OPRK1: variants seen among roughly 807,000 people sequenced by gnomAD.
OPRK1 encodes opioid receptor kappa 1.
Under a neutral mutation model 24.5 loss-of-function variants are expected in OPRK1, and 15 were observed. The observed-to-expected ratio is 0.61, with a 90% CI of 0.41 to 0.94. The LOEUF (loss-of-function observed/expected upper bound fraction) is 0.94, where lower values mean the gene tolerates loss of function less well. OPRK1 is among the 40% of genes least tolerant of loss of function. The pLI is 0.00. For synonymous variants in OPRK1, 205 were observed against 198.0 expected (o/e 1.04, Z -0.30); for missense variants, 479 against 507.3 (o/e 0.94, Z 0.54).
Position 53,227,998 on chromosome 8 carries a change from C to T in OPRK1, c.*1299G>A, listed in dbSNP as rs200350415. Reference sequence around the variant, plus strand: ...GGGGAAAAAGAGGGAATTTATATGTCATCTGGAAGTTTTAGCAAAATTACC... The same window carrying T: ...GGGGAAAAAGAGGGAATTTATATGTTATCTGGAAGTTTTAGCAAAATTACC... On this transcript the variant is annotated 3_prime_UTR_variant, in exon 4 of 4. Transcript: ENST00000265572. The T allele has an allele frequency of 4.6e-5, 7 of 152,108 alleles. No homozygotes were observed. The highest frequency in any genetic ancestry group is 1.7e-4 in the African/African-American group (7 of 41,414). The allele number at this position is 152,108 out of a possible 1,614,324, so 9.4% of individuals were successfully genotyped here. A position where few individuals can be genotyped will look rare whatever the true frequency, so the allele number is the denominator to read the frequency against.
chr8:53,242,824 C>A, intron 2 of OPRK1: 1 of 1,259,200 alleles, frequency 7.9e-7, no homozygotes, highest in South Asian at 1.3e-5. Flanking sequence ...CATTCTTAAT[C>A]CAAGGCTTCC....
intron 3 of OPRK1, among the ~76,000 whole-genome samples, chr8:53,232,419 G>T (rs987866672): frequency 7.9e-5 from 12 of 152,052 alleles, no homozygotes; most frequent in Non-Finnish European, 1.5e-4. Flanking sequence ...AAACAAATGA[G>T]AAATACTTGA....
intron 1 of OPRK1, 114 bp downstream of exon 1, chr8:53,251,334 C>T (rs552963879): frequency 8.2e-4 from 384 of 467,286 alleles, no homozygotes; most frequent in African/African-American, 7.1e-3. Flanking sequence ...ATTCTAGGCA[C>T]CGGCCCCTGG....
chr8:53,231,821 G>GGCTAA (rs1352367219), intron 3 of OPRK1, among the ~76,000 whole-genome samples: 4 of 152,262 alleles, frequency 2.6e-5, no homozygotes, highest in African/African-American at 7.2e-5. Flanking sequence ...AAAAGTCACC[G>GGCTAA]GCTAAGCTAA....
chr8:53,226,068 C>A lies in OPRK1; in HGVS notation c.*3229G>T, dbSNP rs1806675848. The A allele has an allele frequency of 6.6e-6, 1 of 152,068 alleles. No homozygotes were observed. The highest frequency in any genetic ancestry group is 2.4e-5 in the African/African-American group (1 of 41,388). The allele number at this position is 152,068 out of a possible 1,614,324, so 9.4% of individuals were successfully genotyped here. On this transcript the variant is annotated 3_prime_UTR_variant, in exon 4 of 4. Coordinates refer to ENST00000265572, the MANE Select transcript of OPRK1 (RefSeq NM_000912.5). ...TTTGCATGAGTCATCGTATTTCATCCCAGGACTAGATGAAACACCTATAAA... is the reference window on the plus strand; with the variant it reads ...TTTGCATGAGTCATCGTATTTCATCACAGGACTAGATGAAACACCTATAAA...
chr8:53,238,621 C>T (rs1415756703), intron 2 of OPRK1: 1 of 985,340 alleles, frequency 1.0e-6, no homozygotes, highest in Non-Finnish European at 1.2e-6. Context: ...CACTTTAACT[C>T]AAGACCATCC....
At chr8:53,234,280 C>T (rs535024623) in intron 3 of OPRK1, among the ~76,000 whole-genome samples, 31 of 151,816 alleles carry the variant, frequency 2.0e-4, no homozygotes, top group African/African-American at 7.3e-4. Context: ...AACTACCATC[C>T]GTTAACTTGA....
In OPRK1 at chr8:53,251,161, C is replaced by T; in HGVS notation, c.-48-76G>A. On this transcript the variant is annotated intron_variant, in intron 1 of 3. Coordinates refer to ENST00000265572, the MANE Select transcript of OPRK1 (RefSeq NM_000912.5). ...GCCCTGGCCAGCGGCGCTGGGGACC[C>T]GGAGCCTGCGGACTCCCACCCGGGC... 3 of 1,377,358 alleles carry T rather than the reference C, an allele frequency of 2.2e-6. 1 individual carries two copies. Among genetic ancestry groups the T allele is most frequent in the Non-Finnish European group, 1.9e-6 (2 of 1,067,594 alleles). The allele number at this position is 1,377,358 out of a possible 1,614,324, so 85.3% of individuals were successfully genotyped here.
At chr8:53,247,857 G>A (rs1039284878) in intron 2 of OPRK1, among the ~76,000 whole-genome samples, 2 of 151,852 alleles carry the variant, frequency 1.3e-5, no homozygotes, top group African/African-American at 4.8e-5. Flanking sequence ...TTAGCATGGT[G>A]GTGCATCCCC....
At position 53,227,823 on chromosome 8, in the gene OPRK1, CATAGGGCT is replaced by C. The variant is rs1220440032; in HGVS notation, c.*1466_*1473del. ...ACAGTTGTAATGATGTCTGTAGTTA[CATAGGGCT>C]ATATATTCAATTTTTCTATTAAATT... On this transcript the variant is annotated 3_prime_UTR_variant, in exon 4 of 4. Coordinates refer to ENST00000265572, the MANE Select transcript of OPRK1 (RefSeq NM_000912.5). 1 of 151,762 alleles carries C rather than the reference CATAGGGCT, an allele frequency of 6.6e-6. No homozygotes were observed. Among genetic ancestry groups the C allele is most frequent in the East Asian group, 1.9e-4 (1 of 5,146 alleles). 9.4% of individuals were successfully genotyped at this position (151,762 alleles called of 1,614,324 possible). A position where few individuals can be genotyped will look rare whatever the true frequency, so the allele number is the denominator to read the frequency against.
intron 2 of OPRK1, among the ~76,000 whole-genome samples, chr8:53,246,373 C>G (rs554491691): frequency 6.6e-6 from 1 of 152,228 alleles, no homozygotes; most frequent in East Asian, 1.9e-4. Flanking sequence ...GAAAAGGAAA[C>G]AAAGAGTAGG....
chr8:53,229,027 C>G lies in OPRK1; in HGVS notation c.*270G>C. 2.8e-6 allele frequency: 1 copy of G among 361,612 alleles called. No homozygotes were observed. Among genetic ancestry groups the G allele is most frequent in the Non-Finnish European group, 5.0e-6 (1 of 199,402 alleles). 22.4% of individuals were successfully genotyped at this position (361,612 alleles called of 1,614,324 possible). A position where few individuals can be genotyped will look rare whatever the true frequency, so the allele number is the denominator to read the frequency against. On this transcript the variant is annotated 3_prime_UTR_variant, in exon 4 of 4. Coordinates refer to ENST00000265572, the MANE Select transcript of OPRK1 (RefSeq NM_000912.5). ...TACCTAGCAAACCAGAAGGAAAAGACCTGTTCCCTTGTTCATCAGAGGAAC... is the reference window on the plus strand; with the variant it reads ...TACCTAGCAAACCAGAAGGAAAAGAGCTGTTCCCTTGTTCATCAGAGGAAC...
chr8:53,250,873 G>A lies in OPRK1; in HGVS notation c.165C>T (p.Ser55=), dbSNP rs774582686. ...EDAQLEPAHI[S]PAIPVIITAV... ...CCGTGATGATGACCGGGATGGCCGG[G>A]GAGATGTGCGCGGGCTCCAGCTGCG... Residue 55 remains serine (S), a synonymous_variant, in exon 2 of 4, where the codon TCC becomes TCT. Transcript: ENST00000265572. The A allele has an allele frequency of 4.3e-6, 7 of 1,613,294 alleles. No homozygotes were observed. Among genetic ancestry groups the A allele is most frequent in the Non-Finnish European group, 5.9e-6 (7 of 1,179,736 alleles).
Position 53,227,960 on chromosome 8 carries a change from T to G in OPRK1, c.*1337A>C, listed in dbSNP as rs1806747630. 1 of 152,108 alleles carries G rather than the reference T, an allele frequency of 6.6e-6. No homozygotes were observed. The highest frequency in any genetic ancestry group is 6.5e-5 in the Admixed American group (1 of 15,274). 9.4% of individuals were successfully genotyped at this position (152,108 alleles called of 1,614,324 possible). On this transcript the variant is annotated 3_prime_UTR_variant, in exon 4 of 4. Transcript: ENST00000265572. ...ACAGAAAAAGCCATTACCTCTGAAA[T>G]GGTAAGTTTCAGGGGGAAAAAGAGG... is the stretch of plus-strand genomic sequence containing the variant.
intron 2 of OPRK1, 114 bp downstream of exon 2, chr8:53,250,667 G>A (rs914102789): frequency 1.8e-6 from 2 of 1,114,618 alleles, no homozygotes; most frequent in East Asian, 2.8e-5. Context: ...GATCCTTCAC[G>A]GAACAGAGTC....
intron 2 of OPRK1, chr8:53,238,657 C>G (rs1020678010): frequency 1.4e-5 from 14 of 985,348 alleles, no homozygotes; most frequent in Non-Finnish European, 1.7e-5. Flanking sequence ...TACAGAGAAA[C>G]GAGGGTTGGC....
chr8:53,243,594 C>T (rs1201156284), intron 2 of OPRK1, among the ~76,000 whole-genome samples: 1 of 152,182 alleles, frequency 6.6e-6, no homozygotes, highest in Non-Finnish European at 1.5e-5. Flanking sequence ...GAGACTTTGG[C>T]CTCCATCTGT....
intron 2 of OPRK1, chr8:53,242,994 C>T: frequency 1.6e-6 from 2 of 1,236,934 alleles, no homozygotes; most frequent in Non-Finnish European, 2.1e-6. Context: ...CATATATAAG[C>T]CTTCCTTATC....
chr8:53,236,974 G>A (rs992354922), intron 2 of OPRK1, among the ~76,000 whole-genome samples: 1 of 152,114 alleles, frequency 6.6e-6, no homozygotes, highest in Non-Finnish European at 1.5e-5. Context: ...AAACTAACGA[G>A]TATATTTTAG....
Sources: gnomAD v4.1 joint callset for allele counts (sites outside exome capture counted in the v4.1 genomes callset) on GRCh38, gnomAD v4.1.1 for gene constraint, MANE v1.5 for transcripts, NCBI Gene and HGNC (gene_info 2026-07-23, HGNC 2026-07-21) for gene names.